AKAP13: variants seen among roughly 807,000 people sequenced by gnomAD.
AKAP13 encodes the protein A-kinase anchoring protein 13.
AKAP13 carries 80 observed loss-of-function variants against 264.5 expected under a neutral mutation model. The observed-to-expected ratio is 0.30, with a 90% CI of 0.25 to 0.36. The LOEUF (loss-of-function observed/expected upper bound fraction) is 0.36. Ranked by LOEUF, AKAP13 falls within the 10% of genes least tolerant of loss-of-function variation. The pLI, the probability that AKAP13 is intolerant of heterozygous loss-of-function variation, is 1.00. For missense variants in AKAP13, 3,712 were observed against 3,435.2 expected, an observed-to-expected ratio of 1.08 and a Z score of -2.01; for synonymous variants, 1,380 against 1,250.2, an observed-to-expected ratio of 1.10 and a Z score of -2.19.
intron 10 of AKAP13, among the ~76,000 whole-genome samples, chr15:85,653,786 G>A (rs970119789): frequency 2.0e-5 from 3 of 152,086 alleles, no homozygotes; most frequent in Admixed American, 6.6e-5. Flanking sequence ...CCCCCATCCC[G>A]TAAGAGTGCA....
chr15:85,643,000 C>G (rs1211922010), intron 9 of AKAP13, among the ~76,000 whole-genome samples: 1 of 147,338 alleles, frequency 6.8e-6, no homozygotes. Flanking sequence ...TCCTAGGTTA[C>G]TACATACTCT....
chr15:85,693,184 G>T, intron 16 of AKAP13, 93 bp from the exon 17 acceptor site: 1 of 1,416,268 alleles, frequency 7.1e-7, no homozygotes. Context: ...ATAGTCACCA[G>T]CTGTTGTTAA....
At chr15:85,633,356 G>A (rs898224073) in intron 8 of AKAP13, among the ~76,000 whole-genome samples, 4 of 123,314 alleles carry the variant, frequency 3.2e-5, no homozygotes, top group African/African-American at 9.4e-5. Context: ...CTTATTACAG[G>A]AATAATAGGG....
At chr15:85,627,350 C>A (rs2081460111) in intron 8 of AKAP13, among the ~76,000 whole-genome samples, 1 of 152,112 alleles carries the variant, frequency 6.6e-6, no homozygotes, top group Admixed American at 6.5e-5. Flanking sequence ...TCTCTTACTT[C>A]TGTGAATTTT....
intron 14 of AKAP13, among the ~76,000 whole-genome samples, chr15:85,681,935 A>G (rs576065851): frequency 1.3e-5 from 2 of 152,246 alleles, no homozygotes; most frequent in East Asian, 3.9e-4. Context: ...CCTGGATTAA[A>G]CTTATTTTCT....
intron 1 of AKAP13, among the ~76,000 whole-genome samples, chr15:85,483,364 C>T (rs1311727371): frequency 6.6e-6 from 1 of 152,196 alleles, no homozygotes; most frequent in Non-Finnish European, 1.5e-5. Flanking sequence ...TGGTGGCTTA[C>T]GCCTGTAATC....
intron 27 of AKAP13, 60 bp downstream of exon 27, chr15:85,726,546 T>C (rs1306724314): frequency 7.0e-7 from 1 of 1,423,518 alleles, no homozygotes; most frequent in Non-Finnish European, 9.9e-7. Flanking sequence ...TTATGGAATG[T>C]AAGCACTATG....
chr15:85,539,849 A>G (rs1309166659), intron 4 of AKAP13, among the ~76,000 whole-genome samples: 1 of 152,210 alleles, frequency 6.6e-6, no homozygotes, highest in African/African-American at 2.4e-5. Context: ...CAGCATAAAG[A>G]AAAGGGAAAA....
chr15:85,482,473 C>T (rs542266971), intron 1 of AKAP13, among the ~76,000 whole-genome samples: 1 of 152,176 alleles, frequency 6.6e-6, no homozygotes, highest in Non-Finnish European at 1.5e-5. Context: ...GTGTCTGGCA[C>T]ATTGTAGGTG....
At chr15:85,401,529 C>CT (rs1314762344) in intron 1 of AKAP13, among the ~76,000 whole-genome samples, 6 of 152,136 alleles carry the variant, frequency 3.9e-5, no homozygotes, top group Non-Finnish European at 7.4e-5. Context: ...TGCCATTCTG[C>CT]TTTTTTACTG....
At chr15:85,432,491 T>C (rs1190780908) in intron 1 of AKAP13, among the ~76,000 whole-genome samples, 1 of 152,182 alleles carries the variant, frequency 6.6e-6, no homozygotes, top group Non-Finnish European at 1.5e-5. Flanking sequence ...AGTAGCTTAC[T>C]GGTGATAAAG....
chr15:85,549,795 T>G (rs544887661), intron 5 of AKAP13, among the ~76,000 whole-genome samples: 2 of 151,284 alleles, frequency 1.3e-5, no homozygotes, highest in African/African-American at 4.9e-5. Flanking sequence ...AGTCTATATG[T>G]TTTTTGAGGA....
At position 85,744,896 on chromosome 15, in the gene AKAP13, C is replaced by T; in HGVS notation, c.*219C>T. The T allele has an allele frequency of 2.0e-6, 1 of 487,814 alleles. No individual in the cohort carries two copies. The highest frequency in any genetic ancestry group is 3.6e-6 in the Non-Finnish European group (1 of 278,466). The allele number at this position is 487,814 out of a possible 1,614,324, so 30.2% of individuals were successfully genotyped here. A position where few individuals can be genotyped will look rare whatever the true frequency, so the allele number is the denominator to read the frequency against. On this transcript the variant is annotated 3_prime_UTR_variant, in exon 37 of 37. Transcript: ENST00000394518. ...CTGCTTCGGCCATGATTTGTGACTG[C>T]CCAGGACTCTCAGGTTGGGCTGGCC... is the stretch of plus-strand genomic sequence containing the variant.
intron 30 of AKAP13, among the ~76,000 whole-genome samples, chr15:85,731,818 A>C (rs1011067692): frequency 6.6e-6 from 1 of 152,110 alleles, no homozygotes; most frequent in Non-Finnish European, 1.5e-5. Context: ...ACGGTGGCTC[A>C]TTTCTATAAT....
intron 2 of AKAP13, among the ~76,000 whole-genome samples, chr15:85,498,642 TG>T (rs1384614881): frequency 6.6e-6 from 1 of 152,138 alleles, no homozygotes; most frequent in Non-Finnish European, 1.5e-5. Flanking sequence ...TCTTTGGCAC[TG>T]AACTCTATTT....
intron 1 of AKAP13, among the ~76,000 whole-genome samples, chr15:85,394,409 C>G (rs532099719): frequency 6.6e-6 from 1 of 152,158 alleles, no homozygotes; most frequent in African/African-American, 2.4e-5. Flanking sequence ...CTTCCGTAGT[C>G]CCTTAAATGT....
intron 10 of AKAP13, among the ~76,000 whole-genome samples, chr15:85,650,188 G>A (rs947167061): frequency 2.6e-5 from 4 of 152,162 alleles, no homozygotes; most frequent in African/African-American, 7.2e-5. Flanking sequence ...CCAACACTTC[G>A]GGAGGCTGAA....
intron 8 of AKAP13, among the ~76,000 whole-genome samples, chr15:85,610,176 A>G (rs1222630588): frequency 6.6e-6 from 1 of 152,202 alleles, no homozygotes; most frequent in African/African-American, 2.4e-5. Context: ...CCCATTACAG[A>G]ATTATGGTCA....
intron 17 of AKAP13, among the ~76,000 whole-genome samples, chr15:85,707,018 A>C (rs1476521766): frequency 6.6e-6 from 1 of 152,140 alleles, no homozygotes; most frequent in Non-Finnish European, 1.5e-5. Flanking sequence ...TTGGCCCTTA[A>C]CTGGTGAGTT....
Sources: gnomAD v4.1 joint callset for allele counts (sites outside exome capture counted in the v4.1 genomes callset) on GRCh38, gnomAD v4.1.1 for gene constraint, MANE v1.5 for transcripts, NCBI Gene and HGNC (gene_info 2026-07-23, HGNC 2026-07-21) for gene names.